Variants in KCNQ1 observed in about 807,000 individuals in gnomAD.
KCNQ1 encodes the protein potassium voltage-gated channel subfamily KQT member 1.
A neutral mutation model predicts 72.4 loss-of-function variants in KCNQ1; 49 were observed. That is an observed-to-expected ratio of 0.68 (90% CI 0.54 to 0.86). The LOEUF is 0.86. Ranked by LOEUF, KCNQ1 falls within the 40% of genes least tolerant of loss-of-function variation. KCNQ1 has a pLI of 0.00. For synonymous variants in KCNQ1, 450 were observed against 412.6 expected (o/e 1.09, Z -1.10); for missense variants, 790 against 945.1 (o/e 0.84, Z 2.15).
At chr11:2,797,531 G>A (rs971983624) in intron 15 of KCNQ1, among the ~76,000 whole-genome samples, 1 of 152,140 alleles carries the variant, frequency 6.6e-6, no homozygotes, top group Non-Finnish European at 1.5e-5. Flanking sequence ...TGCACCTCCT[G>A]GCCACCTGCC....
chr11:2,462,970 G>A lies in KCNQ1; in HGVS notation c.386+17486G>A, dbSNP rs767236974. Among the ~76,000 whole-genome samples the A allele has an allele frequency of 2.6e-4, 39 of 152,128 alleles. No homozygotes were observed. The highest frequency in any genetic ancestry group is 9.2e-4 in the Admixed American group (14 of 15,284). On this transcript the variant is annotated intron_variant, in intron 1 of 15. Coordinates refer to ENST00000155840, the MANE Select transcript of KCNQ1 (RefSeq NM_000218.3). The surrounding 1 kb of genome is among the most constrained non-coding windows in gnomAD (Gnocchi z 8.2). ...GGGGAAGGCTGTGGGCCCTTGGGTG[G>A]AAGAGTCTTGGGTGAGGCCCCTGAA...
chr11:2,576,486 G>T (rs146046279), intron 6 of KCNQ1, among the ~76,000 whole-genome samples: 1 of 152,374 alleles, frequency 6.6e-6, no homozygotes, highest in East Asian at 1.9e-4. Context: ...TCTCTGTTCA[G>T]CGCCCGGGGG....
chr11:2,619,159 T>C (rs1316554106), intron 10 of KCNQ1: 2 of 398,422 alleles, frequency 5.0e-6, no homozygotes, highest in South Asian at 1.3e-4. Flanking sequence ...GATTTGAATG[T>C]CTTTCATTTC....
At chr11:2,531,923 G>A (rs1053146229) in intron 2 of KCNQ1, among the ~76,000 whole-genome samples, 3 of 152,192 alleles carry the variant, frequency 2.0e-5, no homozygotes, top group Non-Finnish European at 4.4e-5. Context: ...CATTCCCCAA[G>A]GTGGTGCCAC....
Position 2,782,771 on chromosome 11 carries a change from A to AT in KCNQ1, c.1794+4740dup, listed in dbSNP as rs1036680107. On this transcript the variant is annotated intron_variant, in intron 15 of 15. Transcript: ENST00000155840. This position sits in a 1 kb window ranked among gnomAD's most constrained non-coding sequence, Gnocchi z 6.1. ...TGTCCGTCCATTAGCATTTAGTCCC[A>AT]TTTTTTATTCTCAATATTATTTATT... Among the ~76,000 whole-genome samples, 1 of 152,062 alleles carries AT rather than the reference A, an allele frequency of 6.6e-6. No homozygotes were observed. Among genetic ancestry groups the AT allele is most frequent in the African/African-American group, 2.4e-5 (1 of 41,406 alleles).
At chr11:2,459,213 G>T (rs1328510571) in intron 1 of KCNQ1, among the ~76,000 whole-genome samples, 1 of 152,246 alleles carries the variant, frequency 6.6e-6, no homozygotes, top group African/African-American at 2.4e-5. Context: ...GGACACTGTG[G>T]TCTGTCTCCT....
At position 2,613,164 on chromosome 11, in the gene KCNQ1, C is replaced by A. The variant is rs142286686; in HGVS notation, c.1393+24310C>A. 3.1e-4 allele frequency: 122 copies of A among 398,544 alleles called. No homozygotes were observed. The highest frequency in any genetic ancestry group is 2.5e-3 in the African/African-American group (120 of 48,708). 24.7% of individuals were successfully genotyped at this position (398,544 alleles called of 1,614,324 possible). ...GAGGGGATCTATGTGTGGGTTGGGA[C>A]ATTCAAAGTTCAGGCACTTTATAAC... is the stretch of plus-strand genomic sequence containing the variant. On this transcript the variant is annotated intron_variant, in intron 10 of 15. Transcript: ENST00000155840. The surrounding 1 kb of genome is among the most constrained non-coding windows in gnomAD (Gnocchi z 4.8).
chr11:2,740,694 C>T (rs1344574849), intron 11 of KCNQ1, among the ~76,000 whole-genome samples: 2 of 152,208 alleles, frequency 1.3e-5, no homozygotes, highest in African/African-American at 2.4e-5. Context: ...TAGGGAGAGT[C>T]CCTGTCCTGC....
intron 11 of KCNQ1, among the ~76,000 whole-genome samples, chr11:2,733,774 C>CACACACACACACACA (rs1845891956): frequency 6.4e-4 from 37 of 57,564 alleles, no homozygotes; most frequent in African/African-American, 1.2e-3. Flanking sequence ...TTCAGGCCTT[C>CACACACACACACACA]CACACACACA....
rs775391254 is a variant in KCNQ1, at chr11:2,549,916, C to T, written c.478-20712C>T. On this transcript the variant is annotated intron_variant, in intron 2 of 15. Coordinates refer to ENST00000155840, the MANE Select transcript of KCNQ1 (RefSeq NM_000218.3). This position sits in a 1 kb window ranked among gnomAD's most constrained non-coding sequence, Gnocchi z 6.2. ...GGGGGTTCCGGCTCCTTGCCCACCG[C>T]CCCCGCCACCCAGCGCGAGCCGCGT... Among the ~76,000 whole-genome samples, 32 of 152,160 alleles carry T rather than the reference C, an allele frequency of 2.1e-4. No individual in the cohort carries two copies. Among genetic ancestry groups the T allele is most frequent in the Non-Finnish European group, 4.4e-4 (30 of 68,012 alleles).
In KCNQ1 at chr11:2,622,550, T is replaced by C. The variant is rs114489233; in HGVS notation, c.1393+33696T>C. On this transcript the variant is annotated intron_variant, in intron 10 of 15. Transcript: ENST00000155840. ...TTAATCGACTTACATTTAAAGTACTTACTTATAAAAAAGAAGTTCTGACAT... is the reference window on the plus strand; with the variant it reads ...TTAATCGACTTACATTTAAAGTACTCACTTATAAAAAAGAAGTTCTGACAT... 6.9e-3 allele frequency: 2,768 copies of C among 398,446 alleles called. 58 individuals carry two copies. Among genetic ancestry groups the C allele is most frequent in the African/African-American group, 0.049 (2,367 of 48,708 alleles). 24.7% of individuals were successfully genotyped at this position (398,446 alleles called of 1,614,324 possible).
Position 2,671,820 on chromosome 11 carries a change from C to T in KCNQ1, c.1514+9739C>T, listed in dbSNP as rs1850188350. 2.5e-6 allele frequency: 1 copy of T among 398,632 alleles called. No homozygotes were observed. Among genetic ancestry groups the T allele is most frequent in the African/African-American group, 2.1e-5 (1 of 48,624 alleles). The allele number at this position is 398,632 out of a possible 1,614,324, so 24.7% of individuals were successfully genotyped here. ...CTTCCCCCAAATAAATCCCTGCAAC[C>T]CCACTGTGGTTATAGGTCTGAGCCT... On this transcript the variant is annotated intron_variant, in intron 11 of 15. Transcript: ENST00000155840. The surrounding 1 kb of genome is among the most constrained non-coding windows in gnomAD (Gnocchi z 4.7).
At chr11:2,840,319 T>A (rs1190389476) in intron 15 of KCNQ1, 3 of 152,662 alleles carry the variant, frequency 2.0e-5, no homozygotes, top group Non-Finnish European at 1.5e-5. Context: ...AAAATCCACG[T>A]AGAAGTGCAC....
chr11:2,754,578 T>C (rs1424900528), intron 11 of KCNQ1, among the ~76,000 whole-genome samples: 2 of 152,218 alleles, frequency 1.3e-5, no homozygotes, highest in Non-Finnish European at 2.9e-5. Context: ...AAGAGATCCA[T>C]ACAAATGTGG....
At chr11:2,578,784 G>T (rs1326377129) in intron 6 of KCNQ1, among the ~76,000 whole-genome samples, 1 of 152,268 alleles carries the variant, frequency 6.6e-6, no homozygotes, top group African/African-American at 2.4e-5. Context: ...GCTGGGCAAG[G>T]TCGGGGCCTG....
intron 6 of KCNQ1, among the ~76,000 whole-genome samples, chr11:2,576,257 C>T (rs1047078997): frequency 2.0e-5 from 3 of 152,198 alleles, no homozygotes; most frequent in Admixed American, 6.5e-5. Flanking sequence ...CCAGCGAAGG[C>T]GCCGGCTCAG....
chr11:2,615,063 A>G, intron 10 of KCNQ1: 1 of 398,224 alleles, frequency 2.5e-6, no homozygotes, highest in South Asian at 1.3e-4. Flanking sequence ...GTCTTCTTTA[A>G]TTTTTGTCAA....
At position 2,621,226 on chromosome 11, in the gene KCNQ1, C is replaced by T. The variant is rs1451045994; in HGVS notation, c.1393+32372C>T. 1 of 398,006 alleles carries T rather than the reference C, an allele frequency of 2.5e-6. No homozygotes were observed. Among genetic ancestry groups the T allele is most frequent in the East Asian group, 3.6e-5 (1 of 28,066 alleles). 24.7% of individuals were successfully genotyped at this position (398,006 alleles called of 1,614,324 possible). Reference sequence around the variant, plus strand: ...TACCTGACCCCAGATGATCCACGCACCTCAGCCTCCCAAAGTGCTAGGACT... The same window carrying T: ...TACCTGACCCCAGATGATCCACGCATCTCAGCCTCCCAAAGTGCTAGGACT... On this transcript the variant is annotated intron_variant, in intron 10 of 15. Coordinates refer to ENST00000155840, the MANE Select transcript of KCNQ1 (RefSeq NM_000218.3). The surrounding 1 kb of genome is among the most constrained non-coding windows in gnomAD (Gnocchi z 5.7).
intron 11 of KCNQ1, chr11:2,697,554 G>GT (rs1250306000): frequency 2.5e-6 from 1 of 398,430 alleles, no homozygotes; most frequent in Non-Finnish European, 4.4e-6. Flanking sequence ...GCTAAGTGGT[G>GT]TACTCCACTA....
Sources: gnomAD v4.1 joint callset for allele counts (sites outside exome capture counted in the v4.1 genomes callset) on GRCh38, gnomAD v4.1.1 for gene constraint, Gnocchi (gnomAD v3.1) non-coding constraint, MANE v1.5 for transcripts, NCBI Gene and HGNC (gene_info 2026-07-23, HGNC 2026-07-21) for gene names.